The following FES variants were observed in gnomAD, a reference collection of about 807,000 sequenced individuals.
FES encodes tyrosine-protein kinase Fes/Fps.
FES carries 83 observed loss-of-function variants against 109.6 expected under a neutral mutation model. That is an observed-to-expected ratio of 0.76 (90% CI 0.63 to 0.91). The LOEUF (loss-of-function observed/expected upper bound fraction) is 0.91, where lower values mean the gene tolerates loss of function less well. Among genes scored for constraint, FES ranks in the 40% least tolerant of loss-of-function variants. The pLI is 0.00. For missense variants in FES, 943 were observed against 1,070.9 expected, an observed-to-expected ratio of 0.88 and a Z score of 1.67; for synonymous variants, 458 against 442.1, an observed-to-expected ratio of 1.04 and a Z score of -0.45.
In FES at chr15:90,885,017, G is replaced by A; in HGVS notation, c.-9-20G>A. On this transcript the variant is annotated intron_variant, in intron 1 of 18. Transcript: ENST00000328850. ...CAGCTGCTGCCTTGCCTCCAGGGAT[G>A]GCCCCTTTTCTGTCCCCAGAACAGC... The A allele has an allele frequency of 6.4e-7, 1 of 1,571,812 alleles. No individual in the cohort carries two copies. The highest frequency in any genetic ancestry group is 8.6e-7 in the Non-Finnish European group (1 of 1,159,456).
In FES at chr15:90,890,285, T is replaced by C. The variant is rs756900483; in HGVS notation, c.1236+7T>C. 2.0e-5 allele frequency: 32 copies of C among 1,588,452 alleles called. No homozygotes were observed. The highest frequency in any genetic ancestry group is 1.7e-4 in the Middle Eastern group (1 of 5,854). The stretch of plus-strand genomic sequence containing the variant: ...CCACTCCACGTCGTCCTCGGTGAGC[T>C]GCCCCATCCGCGGCCGCTGCCCGCC... On this transcript the variant is annotated splice_region_variant and intron_variant, in intron 9 of 18. Coordinates refer to ENST00000328850, the MANE Select transcript of FES (RefSeq NM_002005.4).
At chr15:90,886,667 C>G (rs2032661701) in intron 3 of FES, among the ~76,000 whole-genome samples, 2 of 152,204 alleles carry the variant, frequency 1.3e-5, no homozygotes, top group Admixed American at 6.5e-5. Context: ...CATGTGGAGC[C>G]CCGTGTGACT....
Position 90,885,437 on chromosome 15 carries a change from C to G in FES, c.239C>G (p.Thr80Ser), listed in dbSNP as rs1356376105. The change falls in exon 3 of 19, where the codon ACT becomes AGT. Residue 80 changes from threonine to serine, a missense_variant. Physicochemically the swap from Thr to Ser is moderately conservative, Grantham distance 58 (BLOSUM62 1). Coordinates refer to ENST00000328850, the MANE Select transcript of FES (RefSeq NM_002005.4). ...TCCTGGGCTGAGATCACCAGCCAAA[C>G]TGAGGGCCTGAGCCGCTTGCTGCGG... ...SQSWAEITSQTEGLSRLLRQH... is the reference protein window; with the variant it reads ...SQSWAEITSQSEGLSRLLRQH... 1 of 1,613,084 alleles carries G rather than the reference C, an allele frequency of 6.2e-7. No individual in the cohort carries two copies. The highest frequency in any genetic ancestry group is 1.7e-5 in the Admixed American group (1 of 59,974).
At chr15:90,887,598 C>G (rs1302173215) in intron 5 of FES, among the ~76,000 whole-genome samples, 1 of 152,204 alleles carries the variant, frequency 6.6e-6, no homozygotes, top group Non-Finnish European at 1.5e-5. Context: ...GAGCACTGTT[C>G]TGGGCTCTGG....
intron 13 of FES, 106 bp from the exon 14 acceptor site, chr15:90,892,601 G>T: frequency 9.0e-7 from 1 of 1,112,088 alleles, no homozygotes; most frequent in South Asian, 1.5e-5. Flanking sequence ...TGAGGGGTCC[G>T]AACACGGGGG....
chr15:90,891,233 C>G, intron 11 of FES, 42 bp downstream of exon 11: 1 of 1,536,614 alleles, frequency 6.5e-7, no homozygotes, highest in Non-Finnish European at 8.8e-7. Flanking sequence ...CCTCACTCTT[C>G]CCCTCCCTTC....
chr15:90,886,027 T>G (rs2032583000), intron 3 of FES, among the ~76,000 whole-genome samples: 1 of 152,206 alleles, frequency 6.6e-6, no homozygotes, highest in Non-Finnish European at 1.5e-5. Flanking sequence ...GAAGTCAGCC[T>G]GCCTAGGTTT....
Position 90,892,243 on chromosome 15 carries a change from C to G in FES, c.1707+132C>G, listed in dbSNP as rs2151266124. On this transcript the variant is annotated intron_variant, in intron 13 of 18. Transcript: ENST00000328850. ...ACTTGTACCCCGACTCCCTGCCCAG[C>G]CCCCACCACACACCATCCTCCAGGA... The G allele has an allele frequency of 3.2e-6, 3 of 935,182 alleles. No homozygotes were observed. The East Asian group carries it at 7.4e-5, about 23-fold the overall frequency. The allele number at this position is 935,182 out of a possible 1,614,324, so 57.9% of individuals were successfully genotyped here. A position where few individuals can be genotyped will look rare whatever the true frequency, so the allele number is the denominator to read the frequency against.
intron 18 of FES, among the ~76,000 whole-genome samples, chr15:90,895,058 C>T (rs1348898814): frequency 5.3e-5 from 8 of 152,012 alleles, no homozygotes; most frequent in African/African-American, 1.9e-4. Flanking sequence ...CAGAGCAAGA[C>T]TCCATCTCAG....
rs770611930 is a variant in FES, at chr15:90,893,135, G to A, written c.1862G>A (p.Arg621His). 37 of 1,613,858 alleles carry A rather than the reference G, an allele frequency of 2.3e-5. No homozygotes were observed. Among genetic ancestry groups the A allele is most frequent in the South Asian group, 3.3e-5 (3 of 91,082 alleles). The change falls in exon 15 of 19, where the codon CGT becomes CAT. Residue 621 changes from arginine to histidine, a missense_variant. By Grantham distance (29) the Arg-to-His change is conservative (BLOSUM62 0). Transcript: ENST00000328850. Reference protein sequence around the residue: ...LKQYSHPNIVRLIGVCTQKQP... With the variant: ...LKQYSHPNIVHLIGVCTQKQP... ...CAGTACAGCCACCCCAACATCGTGC[G>A]TCTCATTGGTGTCTGCACCCAGAAG...
rs913217110 is a variant in FES at position 90,890,491 on chromosome 15, G to A, written c.1320+7G>A. ...CTTCCGCCCCAAGTTCTCGGTGAGT[G>A]GCGCCCAGCCTGGGCCCCCCTACTG... On this transcript the variant is annotated splice_region_variant and intron_variant, in intron 10 of 18. Coordinates refer to ENST00000328850, the MANE Select transcript of FES (RefSeq NM_002005.4). The A allele has an allele frequency of 6.2e-7, 1 of 1,611,562 alleles. No individual in the cohort carries two copies. Among genetic ancestry groups the A allele is most frequent in the African/African-American group, 1.3e-5 (1 of 74,876 alleles).
At position 90,890,441 on chromosome 15, in the gene FES, T is replaced by A; in HGVS notation, c.1277T>A (p.Ile426Asn). ...GGGGGAAGGACACCCACGCTGGAGA[T>A]CCTTAAGAGCCACATCTCAGGAATC... Reference protein sequence around the residue: ...REGGRTPTLEILKSHISGIFR... With the variant: ...REGGRTPTLENLKSHISGIFR... Residue 426 changes from isoleucine (I) to asparagine (N), a missense_variant, in exon 10 of 19, where the codon ATC (isoleucine) becomes AAC (asparagine). Coordinates refer to ENST00000328850, the MANE Select transcript of FES (RefSeq NM_002005.4). The A allele has an allele frequency of 6.2e-7, 1 of 1,612,470 alleles. No individual in the cohort carries two copies.
chr15:90,890,615 C>A, intron 10 of FES, 131 bp downstream of exon 10: 1 of 817,864 alleles, frequency 1.2e-6, no homozygotes, highest in Non-Finnish European at 1.9e-6. Flanking sequence ...TTCCAGGCTG[C>A]AGATGTCCCC....
In FES at chr15:90,892,799, C is replaced by T. The variant is rs891687148; in HGVS notation, c.1800C>T (p.Leu600=). Reference sequence around the variant, plus strand: ...GTCGAGAGACGCTCCCACCTGACCTCAAGGCCAAGTTTCTACAGGAAGCGA... The same window carrying T: ...GTCGAGAGACGCTCCCACCTGACCTTAAGGCCAAGTTTCTACAGGAAGCGA... ...KSCRETLPPD[L]KAKFLQEARI... Residue 600 remains leucine (L), a synonymous_variant, in exon 14 of 19, where the codon CTC becomes CTT. Coordinates refer to ENST00000328850, the MANE Select transcript of FES (RefSeq NM_002005.4). The T allele has an allele frequency of 1.2e-5, 19 of 1,613,816 alleles. No individual in the cohort carries two copies. Among genetic ancestry groups the T allele is most frequent in the Non-Finnish European group, 1.6e-5 (19 of 1,179,932 alleles).
In FES at chr15:90,889,498, G is replaced by A. The variant is rs749485927; in HGVS notation, c.807-19G>A. ...CAGGGCTGCTGGCCTGTCCACTGAC[G>A]GGGCGCTGTCCCCCACAGGTCCGCA... On this transcript the variant is annotated intron_variant, in intron 6 of 18. Coordinates refer to ENST00000328850, the MANE Select transcript of FES (RefSeq NM_002005.4). The surrounding 1 kb of genome is among the most constrained non-coding windows in gnomAD (Gnocchi z 6.1). 11 of 1,613,888 alleles carry A rather than the reference G, an allele frequency of 6.8e-6. No homozygotes were observed. The East Asian group carries it at 1.3e-4, about 20-fold the overall frequency.
intron 8 of FES, 55 bp from the exon 9 acceptor site, chr15:90,890,037 C>T (rs1453549368): frequency 7.6e-6 from 12 of 1,580,846 alleles, no homozygotes; most frequent in Admixed American, 5.1e-5. Flanking sequence ...GCTGGCTACC[C>T]GCCGCAGACC....
intron 3 of FES, among the ~76,000 whole-genome samples, chr15:90,885,958 T>A (rs2032570080): frequency 7.2e-6 from 1 of 138,876 alleles, no homozygotes; most frequent in Non-Finnish European, 1.7e-5. Context: ...CAGCCTCCTC[T>A]CAGGGCCCCA....
At chr15:90,894,140 C>A in intron 18 of FES, 82 bp downstream of exon 18, 1 of 1,478,628 alleles carries the variant, frequency 6.8e-7, no homozygotes, top group Non-Finnish European at 9.2e-7. Context: ...TCCCTTAATG[C>A]CAACCTTCCC....
Position 90,891,152 on chromosome 15 carries a change from G to C in FES, c.1491G>C (p.Trp497Cys), listed in dbSNP as rs1378218585. ...AGGAGTACGTGCTGTCGGTGCTGTG[G>C]GATGGTCTGCCCCGGCACTTCATCA... ...GKQEYVLSVL[W>C]DGLPRHFIIQ... is the part of the protein sequence containing the mutation. The change falls in exon 11 of 19, where the codon TGG becomes TGC. Residue 497 changes from tryptophan to cysteine, a missense_variant. Coordinates refer to ENST00000328850, the MANE Select transcript of FES (RefSeq NM_002005.4). 1 of 1,569,822 alleles carries C rather than the reference G, an allele frequency of 6.4e-7. No homozygotes were observed. The highest frequency in any genetic ancestry group is 1.9e-5 in the Admixed American group (1 of 53,216).
Sources: allele counts gnomAD v4.1 joint callset (sites outside exome capture counted in the v4.1 genomes callset), GRCh38; gene constraint gnomAD v4.1.1; non-coding constraint Gnocchi (gnomAD v3.1); transcripts MANE v1.5; gene names NCBI Gene and HGNC (gene_info 2026-07-23, HGNC 2026-07-21).